LRRC17: variants seen among roughly 807,000 people sequenced by gnomAD.
LRRC17 encodes leucine rich repeat containing 17, also known as leucine-rich repeat-containing protein 17.
Under a neutral mutation model 41.5 loss-of-function variants are expected in LRRC17, and 33 were observed. The observed-to-expected ratio is 0.80, with a 90% CI of 0.60 to 1.06. LRRC17 has a LOEUF of 1.06. Among genes scored for constraint, LRRC17 ranks in the 50% least tolerant of loss-of-function variants. The pLI is 0.00. For synonymous variants in LRRC17, 192 were observed against 197.0 expected (o/e 0.97, Z 0.21); for missense variants, 491 against 519.3 (o/e 0.95, Z 0.53).
rs1372846701 is a variant in LRRC17, at chr7:102,921,876, C to A, written c.-141+8731C>A. Among the ~76,000 whole-genome samples the A allele has an allele frequency of 2.6e-5, 4 of 151,970 alleles. No individual in the cohort carries two copies. The South Asian group carries it at 8.3e-4, about 32-fold the overall frequency. ...CTGAAGAAACTTCAACTACTTAGAA[C>A]CAAAAATTTTGCTCTAAATATCACT... On this transcript the variant is annotated intron_variant, in intron 1 of 3. Transcript: ENST00000339431.
At chr7:102,925,979 G>A (rs946501934) in intron 1 of LRRC17, among the ~76,000 whole-genome samples, 1 of 150,192 alleles carries the variant, frequency 6.7e-6, no homozygotes, top group South Asian at 2.1e-4. Context: ...CACCAGACTG[G>A]AATGTAAGGG....
rs35025022 is a variant in LRRC17 at position 102,929,663 on chromosome 7, CAAAA to C, written c.-140-4093_-140-4090del. Among the ~76,000 whole-genome samples the C allele has an allele frequency of 9.7e-4, 89 of 91,476 alleles. 1 individual carries two copies. The highest frequency in any genetic ancestry group is 4.2e-3 in the African/African-American group (89 of 21,118). 60.0% of individuals were successfully genotyped at this position (91,476 alleles called of 152,430 possible). ...TGGGCAACAGAGTGAGACTCCATCT[CAAAA>C]AAAAAAAAAAAAAAAAATTAATTAA... On this transcript the variant is annotated intron_variant, in intron 1 of 3. Transcript: ENST00000339431.
At chr7:102,918,201 A>G (rs1485015953) in intron 1 of LRRC17, among the ~76,000 whole-genome samples, 1 of 152,236 alleles carries the variant, frequency 6.6e-6, no homozygotes, top group Non-Finnish European at 1.5e-5. Context: ...ACAGAGAATC[A>G]TTATGAAATG....
At chr7:102,939,200 GA>G (rs1820913275) in intron 2 of LRRC17, among the ~76,000 whole-genome samples, 1 of 152,194 alleles carries the variant, frequency 6.6e-6, no homozygotes, top group South Asian at 2.1e-4. Context: ...GGGCCTTAGT[GA>G]GGACTCTGGC....
At position 102,934,103 on chromosome 7, in the gene LRRC17, T is replaced by A. The variant is rs1237657671; in HGVS notation, c.190T>A (p.Tyr64Asn). 3.7e-6 allele frequency: 6 copies of A among 1,614,108 alleles called. No homozygotes were observed. The highest frequency in any genetic ancestry group is 5.1e-6 in the Non-Finnish European group (6 of 1,179,952). The change falls in exon 2 of 4, where the codon TAC becomes AAC. Residue 64 changes from tyrosine (Y) to asparagine (N), a missense_variant. By Grantham distance (143) the Tyr-to-Asn change is moderately radical (BLOSUM62 -2). Transcript: ENST00000339431. ...CGTGTACACATATCTCCATGAGAAA[T>A]ACTTAGATTGTCAAGAAAGAAAATT... ...CDVYTYLHEK[Y>N]LDCQERKLVY...
In LRRC17 at chr7:102,933,881, A is replaced by G; in HGVS notation, c.-33A>G. On this transcript the variant is annotated 5_prime_UTR_variant, in exon 2 of 4. Transcript: ENST00000339431. ...GAATACTTTCATTGTTCCGTCTGTAACACGAAGTAATTGGGGCCAGCTGGA... is the reference window on the plus strand; with the variant it reads ...GAATACTTTCATTGTTCCGTCTGTAGCACGAAGTAATTGGGGCCAGCTGGA... 1 of 1,556,520 alleles carries G rather than the reference A, an allele frequency of 6.4e-7. No individual in the cohort carries two copies. The highest frequency in any genetic ancestry group is 1.4e-5 in the African/African-American group (1 of 73,630).
intron 1 of LRRC17, among the ~76,000 whole-genome samples, chr7:102,929,416 C>A (rs1341400856): frequency 2.0e-5 from 3 of 152,138 alleles, no homozygotes; most frequent in African/African-American, 7.2e-5. Flanking sequence ...AATCCCAGCA[C>A]TTTGGGAGGC....
chr7:102,916,203 T>C (rs1367658034), intron 1 of LRRC17, among the ~76,000 whole-genome samples: 1 of 152,116 alleles, frequency 6.6e-6, no homozygotes, highest in East Asian at 1.9e-4. Flanking sequence ...GCCAGACTGG[T>C]CTCAAACTCT....
chr7:102,934,096 T>G lies in LRRC17; in HGVS notation c.183T>G (p.His61Gln). The change falls in exon 2 of 4, where the codon CAT (histidine) becomes CAG (glutamine). Residue 61 changes from histidine to glutamine, a missense_variant. Transcript: ENST00000339431. Reference protein sequence around the residue: ...GLPCDVYTYLHEKYLDCQERK... With the variant: ...GLPCDVYTYLQEKYLDCQERK... ...CGTGTGACGTGTACACATATCTCCATGAGAAATACTTAGATTGTCAAGAAA... is the reference window on the plus strand; with the variant it reads ...CGTGTGACGTGTACACATATCTCCAGGAGAAATACTTAGATTGTCAAGAAA... The G allele has an allele frequency of 6.2e-7, 1 of 1,614,150 alleles. No individual in the cohort carries two copies. The highest frequency in any genetic ancestry group is 8.5e-7 in the Non-Finnish European group (1 of 1,179,980).
rs1455187177 is a variant in LRRC17 at position 102,933,891 on chromosome 7, A to G, written c.-23A>G. 7 of 1,573,206 alleles carry G rather than the reference A, an allele frequency of 4.4e-6. No homozygotes were observed. The African/African-American group carries it at 6.8e-5, about 15-fold the overall frequency. On this transcript the variant is annotated 5_prime_UTR_variant, in exon 2 of 4. An upstream open reading frame in the 5' UTR loses its in-frame stop. Transcript: ENST00000339431. Reference sequence around the variant, plus strand: ...ATTGTTCCGTCTGTAACACGAAGTAATTGGGGCCAGCTGGATGTCAGGATG... The same window carrying G: ...ATTGTTCCGTCTGTAACACGAAGTAGTTGGGGCCAGCTGGATGTCAGGATG...
chr7:102,939,714 T>A, intron 3 of LRRC17, 129 bp downstream of exon 3: 2 of 836,016 alleles, frequency 2.4e-6, no homozygotes, highest in Non-Finnish European at 3.6e-6. Context: ...AAGTTTTAAT[T>A]AAACATGACA....
chr7:102,939,407 G>T, intron 2 of LRRC17, 23 bp from the exon 3 acceptor site: 1 of 1,590,584 alleles, frequency 6.3e-7, no homozygotes, highest in Non-Finnish European at 8.6e-7. Flanking sequence ...GCATAATAAC[G>T]TAAATATTAT....
intron 1 of LRRC17, among the ~76,000 whole-genome samples, chr7:102,922,855 G>A (rs1817343784): frequency 6.6e-6 from 1 of 152,138 alleles, no homozygotes; most frequent in South Asian, 2.1e-4. Flanking sequence ...GTGGGTGCCT[G>A]TAGTCCCAGC....
At chr7:102,927,300 G>T (rs10499952) in intron 1 of LRRC17, among the ~76,000 whole-genome samples, 1 of 151,940 alleles carries the variant, frequency 6.6e-6, no homozygotes, top group Admixed American at 6.6e-5. Context: ...AATGTTTGAC[G>T]CTACATCAGT....
intron 1 of LRRC17, among the ~76,000 whole-genome samples, chr7:102,914,063 C>T (rs1402468666): frequency 6.6e-6 from 1 of 152,128 alleles, no homozygotes; most frequent in African/African-American, 2.4e-5. Flanking sequence ...CCCTCCAAAG[C>T]CTGGAACTTT....
chr7:102,916,967 A>G (rs1257665833), intron 1 of LRRC17, among the ~76,000 whole-genome samples: 1 of 152,066 alleles, frequency 6.6e-6, no homozygotes, highest in Non-Finnish European at 1.5e-5. Context: ...CTAACACCTG[A>G]AGGACTTACT....
chr7:102,914,343 G>C (rs1011675510), intron 1 of LRRC17, among the ~76,000 whole-genome samples: 6 of 152,196 alleles, frequency 3.9e-5, no homozygotes, highest in African/African-American at 9.7e-5. Context: ...AAAGTGCTCG[G>C]AACAGGCATG....
intron 1 of LRRC17, among the ~76,000 whole-genome samples, chr7:102,918,229 A>G (rs1311814279): frequency 1.3e-5 from 2 of 152,218 alleles, no homozygotes; most frequent in African/African-American, 4.8e-5. Flanking sequence ...ATCATAGATA[A>G]CTTAGTATAC....
At chr7:102,923,613 G>C (rs1292009459) in intron 1 of LRRC17, among the ~76,000 whole-genome samples, 1 of 150,722 alleles carries the variant, frequency 6.6e-6, no homozygotes, top group African/African-American at 2.4e-5. Flanking sequence ...ACGAGGTCAG[G>C]AGTTCAAGAC....
Sources: gnomAD v4.1 joint callset for allele counts (sites outside exome capture counted in the v4.1 genomes callset) on GRCh38, gnomAD v4.1.1 for gene constraint, MANE v1.5 for transcripts, NCBI Gene and HGNC (gene_info 2026-07-23, HGNC 2026-07-21) for gene names.